The following TARP variants were observed in gnomAD, a reference collection of about 807,000 sequenced individuals.
the TARP span, among the ~76,000 whole-genome samples, chr7:38,267,687 T>G: frequency 6.6e-6 from 1 of 150,868 alleles, no homozygotes; most frequent in Non-Finnish European, 1.5e-5. Context: ...TGTGAGACAG[T>G]GTATATTTCT....
At chr7:38,262,161 A>G in the TARP span, 5 of 1,610,528 alleles carry the variant, frequency 3.1e-6, no homozygotes, top group Non-Finnish European at 4.2e-6. Flanking sequence ...GGAAAAACAC[A>G]AAAGCTTACC....
chr7:38,268,553 CAT>C, the TARP span, among the ~76,000 whole-genome samples: 2 of 150,826 alleles, frequency 1.3e-5, no homozygotes, highest in Non-Finnish European at 3.0e-5. Context: ...TTTCCTGAGA[CAT>C]ATGAACAGAA....
chr7:38,265,715 A>G, the TARP span: 5 of 1,430,618 alleles, frequency 3.5e-6, no homozygotes, highest in African/African-American at 1.5e-5. Flanking sequence ...TAAAAGAATC[A>G]TTAGAGAAAC....
chr7:38,265,702 G>A, the TARP span: 1 of 1,485,872 alleles, frequency 6.7e-7, no homozygotes. Flanking sequence ...TGAAATATGA[G>A]TTTAAAAGAA....
chr7:38,265,418 A>G, the TARP span: 1 of 1,612,344 alleles, frequency 6.2e-7, no homozygotes, highest in Admixed American at 1.7e-5. Context: ...CTGACGATAC[A>G]TCTGTGTTCT....
chr7:38,262,316 G>C, the TARP span: 1 of 906,584 alleles, frequency 1.1e-6, no homozygotes, highest in Non-Finnish European at 1.8e-6. Flanking sequence ...CAGGAGGACA[G>C]TTATTAAAAA....
the TARP span, among the ~76,000 whole-genome samples, chr7:38,270,286 G>A: frequency 6.6e-6 from 1 of 151,766 alleles, no homozygotes; most frequent in Non-Finnish European, 1.5e-5. Flanking sequence ...CAATTAAGCA[G>A]GAGGAATAAT....
the TARP span, chr7:38,265,739 A>G: frequency 0.33 from 404,763 of 1,224,080 alleles, 70,740 homozygotes; most frequent in African/African-American, 0.56. Flanking sequence ...CACATTGCAC[A>G]GTTTGGAGTG....
the TARP span, chr7:38,269,690 A>G: frequency 0.021 from 11,582 of 549,304 alleles, no homozygotes; most frequent in Non-Finnish European, 0.028. Flanking sequence ...CAAATAACTT[A>G]AAGCTTTTGG....
the TARP span, chr7:38,260,283 A>G: frequency 2.9e-5 from 30 of 1,049,268 alleles, no homozygotes; most frequent in Admixed American, 6.5e-4. Flanking sequence ...TTAATGCGAG[A>G]GGGGTTCACA....
At chr7:38,268,919 T>C in the TARP span, among the ~76,000 whole-genome samples, 2 of 151,044 alleles carry the variant, frequency 1.3e-5, no homozygotes, top group South Asian at 2.1e-4. Context: ...TGGGCACCTA[T>C]TTTGGGTTGG....
chr7:38,261,109 A>C, the TARP span, among the ~76,000 whole-genome samples: 1 of 151,726 alleles, frequency 6.6e-6, no homozygotes, highest in Non-Finnish European at 1.5e-5. Flanking sequence ...TGCTCACAAA[A>C]TGTAGGTCAC....
chr7:38,259,795 G>A, the TARP span: 1 of 325,028 alleles, frequency 3.1e-6, no homozygotes, highest in Non-Finnish European at 5.7e-6. Context: ...AAGGCTAGAA[G>A]CCGCAGGATG....
At chr7:38,270,362 A>G in the TARP span, among the ~76,000 whole-genome samples, 4 of 151,726 alleles carry the variant, frequency 2.6e-5, no homozygotes, top group African/African-American at 9.7e-5. Context: ...CCCCATCATC[A>G]CAAGAAACAT....
At chr7:38,264,611 A>T in the TARP span, among the ~76,000 whole-genome samples, 1 of 151,240 alleles carries the variant, frequency 6.6e-6, no homozygotes, top group African/African-American at 2.4e-5. Context: ...AAGACTTTTT[A>T]CTTTTAGAAT....
the TARP span, among the ~76,000 whole-genome samples, chr7:38,267,248 A>G: frequency 6.6e-6 from 1 of 151,792 alleles, no homozygotes; most frequent in African/African-American, 2.4e-5. Context: ...ATGATTTCAG[A>G]GCTTCTTATA....
the TARP span, among the ~76,000 whole-genome samples, chr7:38,261,745 G>T: frequency 2.0e-5 from 3 of 150,504 alleles, no homozygotes; most frequent in East Asian, 3.9e-4. Flanking sequence ...GGTGGCACGC[G>T]CCTGTAGTCC....
chr7:38,271,558 G>T, the TARP span, among the ~76,000 whole-genome samples: 7 of 151,172 alleles, frequency 4.6e-5, no homozygotes, highest in Admixed American at 6.6e-5. Flanking sequence ...GAAAAAAAAA[G>T]GCAAAGAAAT....
At chr7:38,270,045 T>C in the TARP span, among the ~76,000 whole-genome samples, 14 of 151,984 alleles carry the variant, frequency 9.2e-5, no homozygotes, top group East Asian at 2.7e-3. Context: ...GAGGCTGCAG[T>C]GAGAATTGAT....
Sources: allele counts gnomAD v4.1 joint callset (sites outside exome capture counted in the v4.1 genomes callset), GRCh38; gene constraint gnomAD v4.1.1; transcripts MANE v1.5.